The following EPM2A variants were observed in gnomAD, a reference collection of about 807,000 sequenced individuals.
The protein encoded by EPM2A is EPM2A glucan phosphatase, laforin.
In EPM2A, 21 loss-of-function variants were observed where a neutral mutation model predicts 26.5. That is an observed-to-expected ratio of 0.79 (90% CI 0.56 to 1.14). EPM2A has a LOEUF of 1.14. EPM2A is among the 50% of genes most tolerant of loss of function. The pLI is 0.00. For missense variants in EPM2A, 458 were observed against 440.8 expected (o/e 1.04, Z -0.35); for synonymous variants, 217 against 177.6 (o/e 1.22, Z -1.76).
At position 145,715,271 on chromosome 6, in the gene EPM2A, CTA is replaced by C. The variant is rs1409526804; in HGVS notation, c.301+19925_301+19926del. On this transcript the variant is annotated intron_variant, in intron 1 of 3. Coordinates refer to ENST00000367519, the MANE Select transcript of EPM2A (RefSeq NM_005670.4). Reference sequence around the variant, plus strand: ...GGCACCCACCAGACAGGACACCCTTCTATGGCAAGGCACTCATACACAGGTAC... The same window carrying C: ...GGCACCCACCAGACAGGACACCCTTCTGGCAAGGCACTCATACACAGGTAC... Among the ~76,000 whole-genome samples the C allele has an allele frequency of 1.1e-4, 16 of 152,250 alleles. No individual in the cohort carries two copies. The East Asian group carries it at 2.5e-3, about 24-fold the overall frequency.
At chr6:145,551,968 C>T (rs1780661476) in intron 2 of EPM2A, among the ~76,000 whole-genome samples, 3 of 150,266 alleles carry the variant, frequency 2.0e-5, no homozygotes. Flanking sequence ...TTAGGTAAAA[C>T]CAAATAATGA....
At chr6:145,656,242 A>G (rs1778274449) in intron 2 of EPM2A, among the ~76,000 whole-genome samples, 1 of 152,228 alleles carries the variant, frequency 6.6e-6, no homozygotes, top group Non-Finnish European at 1.5e-5. Context: ...CTAAGAGAGA[A>G]CACTTGAGTT....
At chr6:145,694,580 T>C (rs1399310014) in intron 1 of EPM2A, among the ~76,000 whole-genome samples, 2 of 151,782 alleles carry the variant, frequency 1.3e-5, no homozygotes, top group African/African-American at 4.8e-5. Flanking sequence ...AAGGAGAGGA[T>C]GAAGTAAGAG....
chr6:145,606,218 T>C (rs1293470199), intron 2 of EPM2A, among the ~76,000 whole-genome samples: 1 of 152,138 alleles, frequency 6.6e-6, no homozygotes, highest in Non-Finnish European at 1.5e-5. Context: ...ACTTCAGCGC[T>C]GTGCATAAAC....
intron 2 of EPM2A, among the ~76,000 whole-genome samples, chr6:145,608,174 G>A (rs929690075): frequency 5.3e-5 from 8 of 152,204 alleles, no homozygotes; most frequent in Non-Finnish European, 4.4e-5. Context: ...ATCATTGTTC[G>A]ATTTTCTTAT....
intron 4 of EPM2A, chr6:145,489,646 A>G: frequency 3.9e-6 from 5 of 1,297,968 alleles, no homozygotes; most frequent in Non-Finnish European, 5.5e-6. Context: ...TAAAACCAGC[A>G]TAGCTGTTCT....
At chr6:145,660,426 C>T (rs1482450513) in intron 2 of EPM2A, among the ~76,000 whole-genome samples, 2 of 152,208 alleles carry the variant, frequency 1.3e-5, no homozygotes, top group African/African-American at 4.8e-5. Flanking sequence ...TACCATGAGA[C>T]TATTAGCTTC....
intron 1 of EPM2A, among the ~76,000 whole-genome samples, chr6:145,691,736 A>G (rs1421398138): frequency 6.6e-6 from 1 of 152,102 alleles, no homozygotes; most frequent in African/African-American, 2.4e-5. Flanking sequence ...TATATAATAT[A>G]CATAATGTAT....
chr6:145,625,651 C>T lies in EPM2A; in HGVS notation c.*1765G>A. 1.4e-6 allele frequency: 1 copy of T among 729,492 alleles called. No individual in the cohort carries two copies. Among genetic ancestry groups the T allele is most frequent in the Non-Finnish European group, 2.6e-6 (1 of 391,042 alleles). The allele number at this position is 729,492 out of a possible 1,614,324, so 45.2% of individuals were successfully genotyped here. On this transcript the variant is annotated 3_prime_UTR_variant, in exon 4 of 4. Transcript: ENST00000367519. ...AGTTATTTTTAGCAAGGGAGCTGGA[C>T]TTCACTTTACTTAATGCTAGCTTAT...
At chr6:145,432,006 A>G (rs1000567030) in intron 4 of EPM2A, among the ~76,000 whole-genome samples, 5 of 152,230 alleles carry the variant, frequency 3.3e-5, no homozygotes, top group African/African-American at 1.2e-4. Flanking sequence ...TTATTCATCC[A>G]TGAGAAGCAA....
intron 4 of EPM2A, among the ~76,000 whole-genome samples, chr6:145,414,040 ATATG>A (rs1432473378): frequency 1.4e-4 from 22 of 152,100 alleles, no homozygotes; most frequent in Non-Finnish European, 4.4e-5. Flanking sequence ...TACTGCCACA[ATATG>A]GTGTGGGTGC....
intron 2 of EPM2A, among the ~76,000 whole-genome samples, chr6:145,596,936 G>A (rs1394688022): frequency 6.0e-5 from 6 of 99,760 alleles, no homozygotes; most frequent in African/African-American, 1.4e-4. Context: ...CGCCCAGGCC[G>A]GACTGCGGAC....
chr6:145,388,928 G>A (rs181283982), intron 4 of EPM2A, among the ~76,000 whole-genome samples: 3 of 152,164 alleles, frequency 2.0e-5, no homozygotes, highest in South Asian at 2.1e-4. Flanking sequence ...GGGCTTTTGG[G>A]TTGGTTCCAA....
In EPM2A at chr6:145,735,201, C is replaced by G; in HGVS notation, c.298G>C (p.Glu100Gln). The change falls in exon 1 of 4, where the codon GAA becomes CAA. Residue 100 changes from glutamate (E) to glutamine (Q), a missense_variant. Transcript: ENST00000367519. Reference sequence around the variant, plus strand: ...GGCAGGCGTCTGCTGGCAATACCTTCCCAGGAGAGCTCTCCTCCCGGCTCC... The same window carrying G: ...GGCAGGCGTCTGCTGGCAATACCTTGCCAGGAGAGCTCTCCTCCCGGCTCC... ...KREPGGELSW[E>Q]GNGPHHDRCC... is the part of the protein sequence containing the mutation. 1 of 1,519,690 alleles carries G rather than the reference C, an allele frequency of 6.6e-7. No homozygotes were observed. Among genetic ancestry groups the G allele is most frequent in the Non-Finnish European group, 8.8e-7 (1 of 1,130,560 alleles). The allele number at this position is 1,519,690 out of a possible 1,614,324, so 94.1% of individuals were successfully genotyped here.
At chr6:145,422,356 G>GA (rs1253180519) in intron 4 of EPM2A, among the ~76,000 whole-genome samples, 1 of 148,448 alleles carries the variant, frequency 6.7e-6, no homozygotes, top group African/African-American at 2.5e-5. Context: ...GATATAATAT[G>GA]AAAGTCCCAG....
intron 2 of EPM2A, among the ~76,000 whole-genome samples, chr6:145,683,524 G>T (rs1309884159): frequency 2.0e-5 from 3 of 152,066 alleles, no homozygotes; most frequent in African/African-American, 2.4e-5. Context: ...TTGCTTTAAA[G>T]AAAATAAAGA....
Position 145,686,110 on chromosome 6 carries a change from C to A in EPM2A, c.476+12G>T, listed in dbSNP as rs1180597619. ...CCTACTTCTATGCCTATAAATATAG[C>A]ACTATTTTTACCTTGAATAATGCAT... is the stretch of plus-strand genomic sequence containing the variant. On this transcript the variant is annotated intron_variant, in intron 2 of 3. Coordinates refer to ENST00000367519, the MANE Select transcript of EPM2A (RefSeq NM_005670.4). 6.2e-7 allele frequency: 1 copy of A among 1,605,896 alleles called. No homozygotes were observed. The highest frequency in any genetic ancestry group is 1.3e-5 in the African/African-American group (1 of 74,894).
Position 145,597,922 on chromosome 6 carries a change from G to C in EPM2A, c.340+37323C>G, listed in dbSNP as rs184678186. ...CATAATCTCATTCTTTTTTATGACT[G>C]CATAGTATTCCGTGGTATGTATGTA... On this transcript the variant is annotated intron_variant, in intron 2 of 3. Transcript: ENST00000450221. 1.3e-3 allele frequency among the ~76,000 whole-genome samples: 200 copies of C among 152,264 alleles called. 2 individuals carry two copies. The highest frequency in any genetic ancestry group is 1.9e-3 in the Non-Finnish European group (130 of 68,004).
At chr6:145,697,220 T>A (rs548559429) in intron 1 of EPM2A, among the ~76,000 whole-genome samples, 13 of 152,160 alleles carry the variant, frequency 8.5e-5, no homozygotes, top group South Asian at 4.1e-4. Context: ...GGGGGAGACA[T>A]CACATGTCGG....
Sources: allele counts gnomAD v4.1 joint callset (sites outside exome capture counted in the v4.1 genomes callset), GRCh38; gene constraint gnomAD v4.1.1; transcripts MANE v1.5; gene names NCBI Gene and HGNC (gene_info 2026-07-23, HGNC 2026-07-21).